The following GRTP1 variants were observed in gnomAD, a reference collection of about 807,000 sequenced individuals.
GRTP1 encodes growth hormone regulated TBC protein 1.
In GRTP1, 56 loss-of-function variants were observed where a neutral mutation model predicts 38.1. The observed-to-expected ratio is 1.47, with a 90% CI of 1.19 to 1.84. The LOEUF (loss-of-function observed/expected upper bound fraction) is 1.84, where lower values mean the gene tolerates loss of function less well. Ranked by LOEUF, GRTP1 falls within the 40% of genes most tolerant of loss-of-function variation. The pLI is 0.00. For missense variants in GRTP1, 506 were observed against 453.9 expected, an observed-to-expected ratio of 1.11 and a Z score of -1.04; for synonymous variants, 217 against 189.5, an observed-to-expected ratio of 1.14 and a Z score of -1.19.
intron 5 of GRTP1, among the ~76,000 whole-genome samples, chr13:113,326,687 A>G (rs2042779772): frequency 1.3e-5 from 2 of 151,662 alleles, no homozygotes; most frequent in African/African-American, 2.4e-5. Context: ...ACAAACAAAC[A>G]AAAATCTGCA....
intron 2 of GRTP1, among the ~76,000 whole-genome samples, chr13:113,361,072 T>C (rs1043261611): frequency 1.5e-5 from 2 of 131,006 alleles, no homozygotes; most frequent in African/African-American, 3.0e-5. Flanking sequence ...ATTGCGCCAC[T>C]ACCCTCCAGC....
intron 5 of GRTP1, among the ~76,000 whole-genome samples, chr13:113,326,377 T>TGGGGGGGGGGGGGGGGGGGGGGGG (rs1298880217): frequency 1.3e-3 from 3 of 2,242 alleles, no homozygotes; most frequent in Non-Finnish European, 2.3e-3. Context: ...GGTGGCGCGG[T>TGGGGGGGGGGGGGGGGGGGGGGGG]GGGGGGGGGG....
intron 4 of GRTP1, among the ~76,000 whole-genome samples, chr13:113,347,549 C>T (rs1164112607): frequency 1.1e-4 from 9 of 81,564 alleles, no homozygotes; most frequent in South Asian, 7.5e-4. Context: ...TCCGGGAGGA[C>T]CTCTGTGGCA....
rs565871584 is a variant in GRTP1 at position 113,348,626 on chromosome 13, T to G, written c.465+2223A>C. Among the ~76,000 whole-genome samples the G allele has an allele frequency of 6.6e-6, 1 of 152,232 alleles. No homozygotes were observed. The highest frequency in any genetic ancestry group is 2.1e-4 in the South Asian group (1 of 4,820). On this transcript the variant is annotated intron_variant, in intron 4 of 7. Transcript: ENST00000375431. This position sits in a 1 kb window ranked among gnomAD's most constrained non-coding sequence, Gnocchi z 4.8. ...GTTGGTGGGCCCTATCCAAGCCTGGTGTCCTTGTCTTACGTGGAGCTTTAG... is the reference window on the plus strand; with the variant it reads ...GTTGGTGGGCCCTATCCAAGCCTGGGGTCCTTGTCTTACGTGGAGCTTTAG...
chr13:113,353,234 G>A (rs1324999438), intron 3 of GRTP1, among the ~76,000 whole-genome samples: 2 of 151,820 alleles, frequency 1.3e-5, no homozygotes, highest in Non-Finnish European at 2.9e-5. Flanking sequence ...ACAGCTGAAA[G>A]CAGGGACCCA....
Position 113,344,869 on chromosome 13 carries a change from G to C in GRTP1, c.556C>G (p.Leu186Val), listed in dbSNP as rs976792211. ...GCAGGAATTTTCAACATACCTGGTAGTATTCTTCCAACAAGAGCATCTAAC... is the reference window on the plus strand; with the variant it reads ...GCAGGAATTTTCAACATACCTGGTACTATTCTTCCAACAAGAGCATCTAAC... ...WLLDALVGRI[L>V]PDYYSPAMLG... is the part of the protein sequence containing the mutation. The change falls in exon 5 of 8, where the codon CTA becomes GTA. Residue 186 changes from leucine to valine, a missense_variant. Physicochemically the swap from Leu to Val is conservative, Grantham distance 32 (BLOSUM62 1). Coordinates refer to ENST00000375431, the MANE Select transcript of GRTP1 (RefSeq NM_024719.4). 1.2e-6 allele frequency: 2 copies of C among 1,607,146 alleles called. No individual in the cohort carries two copies. The highest frequency in any genetic ancestry group is 1.7e-6 in the Non-Finnish European group (2 of 1,178,504).
rs138521391 is a variant in GRTP1 at position 113,325,998 on chromosome 13, A to G, written c.656T>C (p.Met219Thr). 3.3e-4 allele frequency: 540 copies of G among 1,613,760 alleles called. No individual in the cohort carries two copies. The African/African-American group carries it at 6.2e-3, about 18-fold the overall frequency. The change falls in exon 6 of 8, where the codon ATG (methionine) becomes ACG (threonine). Residue 219 changes from methionine to threonine, a missense_variant. Transcript: ENST00000375431. Reference protein sequence around the residue: ...RAKLPAVGALMERLGVLWTLL... With the variant: ...RAKLPAVGALTERLGVLWTLL... ...CGTCCACAGCACACCGAGACGCTCC[A>G]TCAGGGCCCCCACAGCCGGCAGCTT...
chr13:113,355,563 T>C, intron 2 of GRTP1, 82 bp from the exon 3 acceptor site: 1 of 1,408,358 alleles, frequency 7.1e-7, no homozygotes, highest in Non-Finnish European at 9.4e-7. Context: ...CTTTCCACTC[T>C]CACCAGTTCT....
chr13:113,341,060 T>G (rs1449849956), intron 5 of GRTP1, among the ~76,000 whole-genome samples: 2 of 151,962 alleles, frequency 1.3e-5, no homozygotes, highest in Non-Finnish European at 2.9e-5. Context: ...TTTTTTTTCT[T>G]TCTGAGATAA....
intron 2 of GRTP1, among the ~76,000 whole-genome samples, chr13:113,363,502 G>A (rs549240846): frequency 6.6e-6 from 1 of 152,326 alleles, no homozygotes; most frequent in African/African-American, 2.4e-5. Context: ...ACCGCGCCCG[G>A]CATGGATCGA....
At chr13:113,337,679 C>G (rs747937816) in intron 5 of GRTP1, among the ~76,000 whole-genome samples, 9 of 152,256 alleles carry the variant, frequency 5.9e-5, no homozygotes. Flanking sequence ...TCAGCGCAAT[C>G]TGATCCCAAA....
chr13:113,333,173 G>A (rs1020849005), intron 5 of GRTP1, among the ~76,000 whole-genome samples: 1 of 152,228 alleles, frequency 6.6e-6, no homozygotes, highest in Admixed American at 6.5e-5. Flanking sequence ...CGCCGAGCTC[G>A]GAGGGTTGGC....
chr13:113,334,416 C>T (rs1008261626), intron 5 of GRTP1, among the ~76,000 whole-genome samples: 22 of 152,174 alleles, frequency 1.4e-4, no homozygotes, highest in Admixed American at 1.2e-3. Flanking sequence ...AAATAAGAAC[C>T]GCAAATGCTT....
chr13:113,352,984 T>G (rs1335820056), intron 3 of GRTP1, among the ~76,000 whole-genome samples: 1 of 145,256 alleles, frequency 6.9e-6, no homozygotes, highest in Non-Finnish European at 1.5e-5. Flanking sequence ...CAGAGTCCAC[T>G]CTAGGTAGGA....
intron 2 of GRTP1, chr13:113,361,667 G>C (rs1004536294): frequency 4.6e-5 from 7 of 152,164 alleles, no homozygotes; most frequent in African/African-American, 1.7e-4. Context: ...CTCCTGAGGG[G>C]GACGGAAGGA....
At position 113,349,593 on chromosome 13, in the gene GRTP1, G is replaced by A. The variant is rs528899885; in HGVS notation, c.465+1256C>T. Among the ~76,000 whole-genome samples, 10 of 152,338 alleles carry A rather than the reference G, an allele frequency of 6.6e-5. No individual in the cohort carries two copies. The highest frequency in any genetic ancestry group is 6.2e-4 in the South Asian group (3 of 4,824). On this transcript the variant is annotated intron_variant, in intron 4 of 7. Transcript: ENST00000375431. This position sits in a 1 kb window ranked among gnomAD's most constrained non-coding sequence, Gnocchi z 5.0. ...GGACTCTCCCAGCTTCACCCGACAC[G>A]GCACTGCCAGCCAGCTACAGAGCCA...
At chr13:113,351,001 A>C (rs1489689076) in intron 3 of GRTP1, 28 bp from the exon 4 acceptor site, 1 of 1,611,940 alleles carries the variant, frequency 6.2e-7, no homozygotes, top group African/African-American at 1.3e-5. Flanking sequence ...GGAATCACCC[A>C]CGGGTTTCTG....
At chr13:113,338,062 C>A (rs955212883) in intron 5 of GRTP1, among the ~76,000 whole-genome samples, 1 of 152,228 alleles carries the variant, frequency 6.6e-6, no homozygotes, top group Admixed American at 6.5e-5. Context: ...AGGGCTGCAC[C>A]GACTCATGAC....
intron 5 of GRTP1, among the ~76,000 whole-genome samples, chr13:113,337,407 T>G (rs1449164996): frequency 2.0e-5 from 3 of 152,248 alleles, no homozygotes; most frequent in African/African-American, 7.2e-5. Flanking sequence ...ATCAACTGTC[T>G]TGAATTCAGC....
Sources: allele counts gnomAD v4.1 joint callset (sites outside exome capture counted in the v4.1 genomes callset), GRCh38; gene constraint gnomAD v4.1.1; non-coding constraint Gnocchi (gnomAD v3.1); transcripts MANE v1.5; gene names NCBI Gene and HGNC (gene_info 2026-07-23, HGNC 2026-07-21).